Variants in UHRF1 observed in about 807,000 individuals in gnomAD.
UHRF1 encodes E3 ubiquitin-protein ligase UHRF1.
Under a neutral mutation model 96.5 loss-of-function variants are expected in UHRF1, and 9 were observed. That is an observed-to-expected ratio of 0.09 (90% CI 0.06 to 0.16). The LOEUF (loss-of-function observed/expected upper bound fraction) is 0.16, where lower values mean the gene tolerates loss of function less well. Ranked by LOEUF, UHRF1 falls within the 10% of genes least tolerant of loss-of-function variation. The pLI is 1.00. For missense variants in UHRF1, 626 were observed against 1,131.1 expected (o/e 0.55, Z 6.40); for synonymous variants, 455 against 469.9 (o/e 0.97, Z 0.41).
chr19:4,948,292 T>C (rs552901061), intron 11 of UHRF1, among the ~76,000 whole-genome samples: 10 of 152,114 alleles, frequency 6.6e-5, no homozygotes, highest in Non-Finnish European at 1.3e-4. Context: ...CAGAATTTGC[T>C]TGGCCCCTGA....
At chr19:4,912,917 G>A (rs1384485891) in intron 2 of UHRF1, among the ~76,000 whole-genome samples, 1 of 152,064 alleles carries the variant, frequency 6.6e-6, no homozygotes, top group Admixed American at 6.6e-5. Context: ...GCACCACCAT[G>A]CCTGGCTAGT....
chr19:4,958,126 T>G (rs1434548912), intron 16 of UHRF1, among the ~76,000 whole-genome samples: 1 of 152,218 alleles, frequency 6.6e-6, no homozygotes, highest in Non-Finnish European at 1.5e-5. Flanking sequence ...CATCTCTGCC[T>G]CCTCGGGCCC....
At chr19:4,926,467 GT>G (rs1429210681) in intron 2 of UHRF1, among the ~76,000 whole-genome samples, 6 of 152,332 alleles carry the variant, frequency 3.9e-5, no homozygotes, top group Middle Eastern at 3.4e-3. Context: ...TCCACGGTGG[GT>G]TTCAGAGCAG....
intron 9 of UHRF1, 34 bp downstream of exon 9, chr19:4,944,484 G>A (rs553453646): frequency 1.5e-4 from 238 of 1,610,442 alleles, no homozygotes; most frequent in South Asian, 8.5e-4. Flanking sequence ...CAGGGGCCAC[G>A]CGGGCTCATC....
intron 2 of UHRF1, among the ~76,000 whole-genome samples, chr19:4,921,848 C>T (rs560602171): frequency 1.3e-5 from 2 of 152,314 alleles, no homozygotes; most frequent in South Asian, 4.1e-4. Context: ...AATCTGAACC[C>T]AGCAAGAGAG....
chr19:4,926,360 T>G (rs557055253), intron 2 of UHRF1, among the ~76,000 whole-genome samples: 73 of 152,278 alleles, frequency 4.8e-4, no homozygotes, highest in African/African-American at 1.7e-3. Flanking sequence ...GCCCTGAGCC[T>G]CCTCCTGGCT....
chr19:4,948,030 G>A (rs1237658104), intron 11 of UHRF1, among the ~76,000 whole-genome samples: 1 of 151,318 alleles, frequency 6.6e-6, no homozygotes, highest in Non-Finnish European at 1.5e-5. Flanking sequence ...CTTGAGCCCA[G>A]GAGGTTGAGG....
Position 4,929,408 on chromosome 19 carries a change from G to A in UHRF1, c.340G>A (p.Ala114Thr). The A allele has an allele frequency of 6.2e-7, 1 of 1,613,612 alleles. No individual in the cohort carries two copies. The highest frequency in any genetic ancestry group is 8.5e-7 in the Non-Finnish European group (1 of 1,179,862). ...SDKSSTHGEA[A>T]AETDSRPADE... Reference sequence around the variant, plus strand: ...CAAGTCCTCCACCCACGGTGAGGCGGCCGCCGAGACTGACAGCAGGCCAGC... The same window carrying A: ...CAAGTCCTCCACCCACGGTGAGGCGACCGCCGAGACTGACAGCAGGCCAGC... The change falls in exon 3 of 17, where the codon GCC (alanine) becomes ACC (threonine). Residue 114 changes from alanine (A) to threonine (T), a missense_variant. By Grantham distance (58) the Ala-to-Thr change is moderately conservative. Coordinates refer to ENST00000650932, the MANE Select transcript of UHRF1 (RefSeq NM_001048201.3).
chr19:4,930,698 T>G lies in UHRF1; in HGVS notation c.409-18T>G. 3 of 1,611,558 alleles carry G rather than the reference T, an allele frequency of 1.9e-6. No homozygotes were observed. Among genetic ancestry groups the G allele is most frequent in the Non-Finnish European group, 2.5e-6 (3 of 1,178,544 alleles). On this transcript the variant is annotated intron_variant, in intron 3 of 16. Transcript: ENST00000650932. This position sits in a 1 kb window ranked among gnomAD's most constrained non-coding sequence, Gnocchi z 4.4. ...TCCTCACCCCGTTGGGATGCCAGAC[T>G]TCCCTCATTCCTCACAGGTCAATGA...
At chr19:4,916,972 G>A (rs959023491) in intron 2 of UHRF1, among the ~76,000 whole-genome samples, 1 of 152,178 alleles carries the variant, frequency 6.6e-6, no homozygotes, top group South Asian at 2.1e-4. Context: ...CCCCAAACCC[G>A]GTGGCATTAT....
intron 13 of UHRF1, among the ~76,000 whole-genome samples, chr19:4,952,816 G>A (rs1474714459): frequency 6.6e-6 from 1 of 152,038 alleles, no homozygotes; most frequent in Non-Finnish European, 1.5e-5. Flanking sequence ...ATGATGCCCT[G>A]TGAGGACAGA....
intron 2 of UHRF1, among the ~76,000 whole-genome samples, chr19:4,916,883 C>T (rs890457444): frequency 2.6e-5 from 4 of 152,194 alleles, no homozygotes; most frequent in Non-Finnish European, 1.5e-5. Flanking sequence ...CTGGAGGTCC[C>T]TCCTGATCGA....
intron 11 of UHRF1, among the ~76,000 whole-genome samples, chr19:4,947,567 C>T (rs1217139099): frequency 7.7e-6 from 1 of 129,438 alleles, no homozygotes; most frequent in Non-Finnish European, 1.5e-5. Flanking sequence ...GTGGTGCACT[C>T]TCTGCTCACT....
At chr19:4,925,617 G>A (rs1230942872) in intron 2 of UHRF1, among the ~76,000 whole-genome samples, 1 of 152,100 alleles carries the variant, frequency 6.6e-6, no homozygotes, top group African/African-American at 2.4e-5. Flanking sequence ...CGTCTCCCAG[G>A]TTCAAGCAAT....
intron 7 of UHRF1, among the ~76,000 whole-genome samples, chr19:4,943,083 C>A (rs926090444): frequency 2.6e-5 from 4 of 151,640 alleles, no homozygotes; most frequent in African/African-American, 9.7e-5. Context: ...ACTAAAAATA[C>A]AAAAAAGTTA....
chr19:4,917,913 G>A (rs1468550936), intron 2 of UHRF1, among the ~76,000 whole-genome samples: 2 of 151,682 alleles, frequency 1.3e-5, no homozygotes, highest in Non-Finnish European at 2.9e-5. Context: ...CTCCTGCCTC[G>A]GCCTTCTGAG....
chr19:4,908,728 C>A (rs2032129565), upstream of UHRF1, among the ~76,000 whole-genome samples: 1 of 152,184 alleles, frequency 6.6e-6, no homozygotes. Context: ...AAATTATCTG[C>A]TTTAGTTATT....
Position 4,916,861 on chromosome 19 carries a change from T to A in UHRF1, c.153+5823T>A, listed in dbSNP as rs188117571. 1.2e-4 allele frequency among the ~76,000 whole-genome samples: 18 copies of A among 152,276 alleles called. No homozygotes were observed. In the East Asian group the frequency reaches 3.5e-3, roughly 29 times the overall value. ...GGTCCCGTCAGGCCCCTGCAGGCAC[T>A]CTCTCTTCCGGCTGGAGGTCCCTCC... On this transcript the variant is annotated intron_variant, in intron 2 of 16. Coordinates refer to ENST00000650932, the MANE Select transcript of UHRF1 (RefSeq NM_001048201.3).
chr19:4,958,024 C>T (rs1308656570), intron 16 of UHRF1, among the ~76,000 whole-genome samples: 4 of 152,238 alleles, frequency 2.6e-5, no homozygotes, highest in Non-Finnish European at 5.9e-5. Context: ...CCATGGGCCA[C>T]ACCCCCGGGT....
Sources: allele counts gnomAD v4.1 joint callset (sites outside exome capture counted in the v4.1 genomes callset), GRCh38; gene constraint gnomAD v4.1.1; non-coding constraint Gnocchi (gnomAD v3.1); transcripts MANE v1.5; gene names NCBI Gene and HGNC (gene_info 2026-07-23, HGNC 2026-07-21).